ZFHX3: variants seen among roughly 807,000 people sequenced by gnomAD.
ZFHX3 encodes zinc finger homeobox protein 3.
Under a neutral mutation model 279.1 loss-of-function variants are expected in ZFHX3, and 42 were observed. The ratio of observed to expected loss-of-function variants is 0.15; its 90% CI spans 0.12 to 0.19. The LOEUF (loss-of-function observed/expected upper bound fraction) is 0.19, where lower values mean the gene tolerates loss of function less well. Among genes scored for constraint, ZFHX3 ranks in the 10% least tolerant of loss-of-function variants. The probability of loss-of-function intolerance (pLI) is 1.00; values close to 1 mark genes in which losing one functional copy is unlikely to be tolerated. For synonymous variants in ZFHX3, 2,293 were observed against 1,957.8 expected (o/e 1.17, Z -4.52); for missense variants, 4,981 against 4,754.0 (o/e 1.05, Z -1.40).
chr16:73,842,004 C>G (rs568911459), intron 1 of ZFHX3, among the ~76,000 whole-genome samples: 3 of 151,208 alleles, frequency 2.0e-5, no homozygotes, highest in African/African-American at 4.9e-5. Flanking sequence ...CACTTGAGGT[C>G]AGGAGTTCAA....
chr16:73,110,269 A>G (rs1288962228), intron 7 of ZFHX3, among the ~76,000 whole-genome samples: 1 of 151,998 alleles, frequency 6.6e-6, no homozygotes, highest in Non-Finnish European at 1.5e-5. Flanking sequence ...ACATTTTCTC[A>G]TGTACTTGTG....
At chr16:73,331,088 A>T (rs2015792800) in intron 3 of ZFHX3, among the ~76,000 whole-genome samples, 1 of 152,188 alleles carries the variant, frequency 6.6e-6, no homozygotes. Context: ...ATGGCTAGGG[A>T]GGCCTCAGAA....
At chr16:73,284,610 C>G (rs558762023) in intron 4 of ZFHX3, among the ~76,000 whole-genome samples, 1 of 152,032 alleles carries the variant, frequency 6.6e-6, no homozygotes, top group Non-Finnish European at 1.5e-5. Flanking sequence ...TTTGCTCTTA[C>G]GAGAATATCA....
intron 2 of ZFHX3, among the ~76,000 whole-genome samples, chr16:73,459,273 A>G (rs561304797): frequency 4.6e-4 from 70 of 152,344 alleles, no homozygotes; most frequent in African/African-American, 1.6e-3. Flanking sequence ...ATCATTTGCC[A>G]TTTCCTCTGT....
intron 6 of ZFHX3, among the ~76,000 whole-genome samples, chr16:73,139,806 AT>A (rs2144831468): frequency 6.6e-6 from 1 of 152,328 alleles, no homozygotes; most frequent in South Asian, 2.1e-4. Flanking sequence ...TCCTCATATC[AT>A]CTTTGTAAGG....
At chr16:73,343,960 A>G (rs192205034) in intron 3 of ZFHX3, among the ~76,000 whole-genome samples, 53 of 152,344 alleles carry the variant, frequency 3.5e-4, no homozygotes, top group African/African-American at 1.2e-3. Flanking sequence ...ATGGAATTAG[A>G]AAATCACTGG....
At chr16:73,617,779 T>A (rs114777096) in intron 2 of ZFHX3, among the ~76,000 whole-genome samples, 1,844 of 152,198 alleles carry the variant, frequency 0.012, 23 homozygotes, top group African/African-American at 0.034. Flanking sequence ...TGTTTTTTTT[T>A]AAAAAATCTC....
intron 2 of ZFHX3, among the ~76,000 whole-genome samples, chr16:73,534,359 C>T (rs959233446): frequency 2.0e-5 from 3 of 152,120 alleles, no homozygotes; most frequent in African/African-American, 7.2e-5. Flanking sequence ...CTACCCTAAC[C>T]ATCCCATTTA....
rs2035897797 is a variant in ZFHX3, at chr16:72,796,289, G to A, written c.6393C>T (p.Leu2131=). The A allele has an allele frequency of 6.2e-7, 1 of 1,614,162 alleles. No homozygotes were observed. Among genetic ancestry groups the A allele is most frequent in the Non-Finnish European group, 8.5e-7 (1 of 1,180,038 alleles). The change falls in exon 9 of 10, where the codon CTC becomes CTT. Residue 2131 remains leucine (L), a synonymous_variant. Coordinates refer to ENST00000268489, the MANE Select transcript of ZFHX3 (RefSeq NM_006885.4). The part of the protein sequence containing the change: ...VEPLPADLAQ[L]YQHQLNPTLL... ...GGGTTGGATTGAGCTGATGCTGGTA[G>A]AGTTGGGCCAGGTCCGCAGGCAGAG...
intron 3 of ZFHX3, among the ~76,000 whole-genome samples, chr16:72,931,087 C>G (rs1959771386): frequency 6.6e-6 from 1 of 152,116 alleles, no homozygotes; most frequent in Non-Finnish European, 1.5e-5. Flanking sequence ...TTCTTATACA[C>G]CTCTTGACAC....
chr16:73,494,433 T>C (rs542632176), intron 2 of ZFHX3, among the ~76,000 whole-genome samples: 1 of 152,288 alleles, frequency 6.6e-6, no homozygotes, highest in South Asian at 2.1e-4. Context: ...AATTTGCCTC[T>C]TCCATTTACC....
In ZFHX3 at chr16:73,231,173, A is replaced by T. The variant is rs547039447; in HGVS notation, c.-1104+25874T>A. Among the ~76,000 whole-genome samples, 3 of 152,344 alleles carry T rather than the reference A, an allele frequency of 2.0e-5. No homozygotes were observed. In the South Asian group the frequency reaches 6.2e-4, roughly 32 times the overall value. ...CTGAAATGAGGTACCACTCCCCGGG[A>T]CACAGGTGCATGCCCAGCATCACTG... is the stretch of plus-strand genomic sequence containing the variant. On this transcript the variant is annotated intron_variant, in intron 5 of 17. Coordinates refer to the ZFHX3 transcript ENST00000641206.
chr16:73,683,490 C>CG (rs1204685392), intron 1 of ZFHX3, among the ~76,000 whole-genome samples: 12 of 152,132 alleles, frequency 7.9e-5, no homozygotes, highest in African/African-American at 2.7e-4. Flanking sequence ...TTCCAACCCT[C>CG]TATAAAAGCC....
chr16:73,436,340 G>T (rs770968959), intron 3 of ZFHX3, among the ~76,000 whole-genome samples: 8 of 152,174 alleles, frequency 5.3e-5, no homozygotes, highest in Non-Finnish European at 8.8e-5. Context: ...AGAGGTTTAA[G>T]GGACTCAGAG....
At chr16:73,065,564 CTGGTGTGTGTGTG>C (rs1965738006) in intron 8 of ZFHX3, among the ~76,000 whole-genome samples, 1 of 102,576 alleles carries the variant, frequency 9.7e-6, no homozygotes, top group Non-Finnish European at 1.9e-5. Context: ...CTAGCTTTTC[CTGGTGTGTGTGTG>C]TGTGTGTGTG....
intron 5 of ZFHX3, among the ~76,000 whole-genome samples, chr16:73,252,338 T>G (rs1298275307): frequency 6.6e-6 from 1 of 152,194 alleles, no homozygotes; most frequent in Non-Finnish European, 1.5e-5. Flanking sequence ...CATTGACGGC[T>G]GGAGCTGGGG....
chr16:73,209,397 G>A (rs149159324), intron 5 of ZFHX3, among the ~76,000 whole-genome samples: 19 of 152,112 alleles, frequency 1.2e-4, no homozygotes, highest in South Asian at 8.3e-4. Flanking sequence ...AGGTCAAGGC[G>A]CCTGCAGGTC....
At chr16:73,818,678 T>C (rs1960650004) in intron 1 of ZFHX3, among the ~76,000 whole-genome samples, 1 of 152,218 alleles carries the variant, frequency 6.6e-6, no homozygotes, top group South Asian at 2.1e-4. Flanking sequence ...CAAAAATGCC[T>C]TCAAGGTAAG....
intron 2 of ZFHX3, among the ~76,000 whole-genome samples, chr16:73,517,114 C>G (rs939579829): frequency 2.0e-5 from 3 of 152,182 alleles, no homozygotes; most frequent in Non-Finnish European, 4.4e-5. Flanking sequence ...CCTTCAGTCT[C>G]GCTTTACTGC....
Sources: allele counts gnomAD v4.1 joint callset (sites outside exome capture counted in the v4.1 genomes callset), GRCh38; gene constraint gnomAD v4.1.1; transcripts MANE v1.5; gene names NCBI Gene and HGNC (gene_info 2026-07-23, HGNC 2026-07-21).